Variants in ROBO2 observed in about 807,000 individuals in gnomAD.
ROBO2 encodes roundabout guidance receptor 2.
ROBO2 carries 53 observed loss-of-function variants against 160.8 expected under a neutral mutation model. The ratio of observed to expected loss-of-function variants is 0.33; its 90% confidence interval spans 0.26 to 0.41. The LOEUF is 0.41. Ranked by LOEUF, ROBO2 falls within the 10% of genes least tolerant of loss-of-function variation. ROBO2 has a pLI of 1.00. For synonymous variants in ROBO2, 664 were observed against 611.7 expected (o/e 1.09, Z -1.26); for missense variants, 1,577 against 1,722.4 (o/e 0.92, Z 1.49).
chr3:76,651,281 G>A (rs1438717334), intron 2 of ROBO2, among the ~76,000 whole-genome samples: 2 of 152,086 alleles, frequency 1.3e-5, no homozygotes, highest in South Asian at 2.1e-4. Context: ...AGCTCTAAGC[G>A]TCCGAAGGTG....
intron 2 of ROBO2, among the ~76,000 whole-genome samples, chr3:76,667,488 G>A (rs1347916996): frequency 6.6e-6 from 1 of 151,978 alleles, no homozygotes; most frequent in African/African-American, 2.4e-5. Context: ...TACTCTATAC[G>A]CAGTAGTGGT....
At chr3:77,477,327 G>A (rs1441700250) in intron 2 of ROBO2, 87 bp from the exon 3 acceptor site, 3 of 1,368,896 alleles carry the variant, frequency 2.2e-6, no homozygotes, top group Non-Finnish European at 3.1e-6. Flanking sequence ...CTAGAACAAG[G>A]TAAACAAGAC....
intron 2 of ROBO2, among the ~76,000 whole-genome samples, chr3:76,050,610 C>A (rs1367280944): frequency 2.0e-5 from 3 of 152,210 alleles, no homozygotes; most frequent in Admixed American, 2.0e-4. Context: ...CACCCACAGG[C>A]TGGTTCTCGT....
intron 1 of ROBO2, among the ~76,000 whole-genome samples, chr3:77,046,535 C>CT (rs1441481419): frequency 1.3e-5 from 2 of 152,134 alleles, no homozygotes; most frequent in Non-Finnish European, 2.9e-5. Flanking sequence ...GCACAACTCT[C>CT]TTATTGGTTG....
chr3:76,879,104 A>T (rs1207936192), intron 2 of ROBO2, among the ~76,000 whole-genome samples: 2 of 152,204 alleles, frequency 1.3e-5, no homozygotes, highest in Non-Finnish European at 2.9e-5. Flanking sequence ...AAAAAGATTC[A>T]TCAGGTGATT....
intron 2 of ROBO2, among the ~76,000 whole-genome samples, chr3:76,654,065 G>A (rs73841266): frequency 0.018 from 2,747 of 152,246 alleles, 81 homozygotes; most frequent in African/African-American, 0.063. Context: ...CCATATTCAG[G>A]ATAGTTCCTC....
At position 76,221,504 on chromosome 3, in the gene ROBO2, C is replaced by A. The variant is rs528179955; in HGVS notation, c.109+283902C>A. 4.3e-4 allele frequency among the ~76,000 whole-genome samples: 66 copies of A among 152,308 alleles called. No homozygotes were observed. The South Asian group carries it at 0.013, about 31-fold the overall frequency. On this transcript the variant is annotated intron_variant, in intron 2 of 26. Transcript: ENST00000487694. ...GGGTGATGGTGAGCAGTGCCACTCT[C>A]ATTTTCCACGCTTTGATTCCTGAAC...
chr3:77,158,217 C>T (rs978798421), intron 2 of ROBO2, among the ~76,000 whole-genome samples: 1 of 152,104 alleles, frequency 6.6e-6, no homozygotes, highest in African/African-American at 2.4e-5. Flanking sequence ...CCTGTGCCAA[C>T]ATTGGGTAGA....
chr3:76,128,784 T>TA (rs1463938091), intron 2 of ROBO2, among the ~76,000 whole-genome samples: 1 of 152,128 alleles, frequency 6.6e-6, no homozygotes, highest in Non-Finnish European at 1.5e-5. Flanking sequence ...ACTGTATTTT[T>TA]AAAAAAGATT....
chr3:77,134,359 T>C (rs1271327377), intron 2 of ROBO2, among the ~76,000 whole-genome samples: 1 of 152,236 alleles, frequency 6.6e-6, no homozygotes, highest in African/African-American at 2.4e-5. Flanking sequence ...CCGATTTTGG[T>C]CAAAGCATTC....
At chr3:77,494,707 T>C (rs1477116613) in intron 5 of ROBO2, among the ~76,000 whole-genome samples, 1 of 152,270 alleles carries the variant, frequency 6.6e-6, no homozygotes, top group Non-Finnish European at 1.5e-5. Flanking sequence ...AGTAATTTCC[T>C]AAATGTAAAC....
intron 1 of ROBO2, among the ~76,000 whole-genome samples, chr3:75,919,466 A>G (rs1946939151): frequency 6.6e-6 from 1 of 152,120 alleles, no homozygotes; most frequent in Non-Finnish European, 1.5e-5. Context: ...TTTTGCATCG[A>G]TGTTCGTCAG....
At chr3:76,363,128 C>T (rs1205139736) in intron 2 of ROBO2, among the ~76,000 whole-genome samples, 1 of 151,976 alleles carries the variant, frequency 6.6e-6, no homozygotes, top group East Asian at 1.9e-4. Context: ...GGAAATAATA[C>T]AGCAGGTAGC....
intron 2 of ROBO2, among the ~76,000 whole-genome samples, chr3:76,980,172 T>C (rs984886926): frequency 4.6e-5 from 7 of 152,284 alleles, no homozygotes; most frequent in Admixed American, 1.3e-4. Flanking sequence ...CTCGGCTGCT[T>C]TTTGTTTATT....
chr3:77,153,545 G>T (rs2077716627), intron 2 of ROBO2, among the ~76,000 whole-genome samples: 1 of 152,054 alleles, frequency 6.6e-6, no homozygotes. Flanking sequence ...ATGCTGAATA[G>T]AGAAAGATAT....
intron 2 of ROBO2, among the ~76,000 whole-genome samples, chr3:76,022,459 T>C (rs948079530): frequency 4.6e-5 from 7 of 151,802 alleles, no homozygotes; most frequent in African/African-American, 1.7e-4. Flanking sequence ...TTAGTTCTTA[T>C]GTAATAAAAC....
In ROBO2 at chr3:76,857,200, T is replaced by C. The variant is rs905819643; in HGVS notation, c.110-240814T>C. 3.9e-5 allele frequency among the ~76,000 whole-genome samples: 6 copies of C among 152,250 alleles called. No homozygotes were observed. In the East Asian group the frequency reaches 1.2e-3, roughly 30 times the overall value. On this transcript the variant is annotated intron_variant, in intron 2 of 26. Transcript: ENST00000487694. ...CGGGGTTTCACCGTGTTAGCCAGGA[T>C]GGTCTCGATCTCCTGACCTCGTGAT...
In ROBO2 at chr3:76,132,405, G is replaced by A. The variant is rs868393724; in HGVS notation, c.109+194803G>A. Among the ~76,000 whole-genome samples, 18 of 126,694 alleles carry A rather than the reference G, an allele frequency of 1.4e-4. 1 individual carries two copies. The highest frequency in any genetic ancestry group is 6.7e-5 in the Non-Finnish European group (4 of 59,676). The allele number at this position is 126,694 out of a possible 152,430, so 83.1% of individuals were successfully genotyped here. On this transcript the variant is annotated intron_variant, in intron 2 of 26. Transcript: ENST00000487694. The stretch of plus-strand genomic sequence containing the variant: ...AAATTCCAGACTGTTGGGGGGGGGG[G>A]GGGACGCAGATGTTCAGCATAAACC...
At chr3:76,144,423 T>TTTTC (rs1217916190) in intron 2 of ROBO2, among the ~76,000 whole-genome samples, 2 of 152,044 alleles carry the variant, frequency 1.3e-5, no homozygotes, top group African/African-American at 4.8e-5. Flanking sequence ...AACTTGTCTC[T>TTTTC]GAAAAGTACA....
Sources: allele counts gnomAD v4.1 joint callset (sites outside exome capture counted in the v4.1 genomes callset), GRCh38; gene constraint gnomAD v4.1.1; transcripts MANE v1.5; gene names NCBI Gene and HGNC (gene_info 2026-07-23, HGNC 2026-07-21).